The following PRKCH variants were observed in gnomAD, a reference collection of about 807,000 sequenced individuals.
PRKCH encodes the protein protein kinase C eta, also known as protein kinase C eta type.
PRKCH carries 28 observed loss-of-function variants against 82.5 expected under a neutral mutation model. The ratio of observed to expected loss-of-function variants is 0.34; its 90% CI spans 0.25 to 0.47. The LOEUF (loss-of-function observed/expected upper bound fraction) is 0.47. Ranked by LOEUF, PRKCH falls within the 20% of genes least tolerant of loss-of-function variation. The pLI is 1.00. For missense variants in PRKCH, 705 were observed against 881.8 expected, an observed-to-expected ratio of 0.80 and a Z score of 2.54; for synonymous variants, 322 against 327.4, an observed-to-expected ratio of 0.98 and a Z score of 0.18.
At chr14:61,281,307 A>G in intron 1 of PRKCH, 1 of 392,152 alleles carries the variant, frequency 2.6e-6, no homozygotes, top group Non-Finnish European at 4.6e-6. Flanking sequence ...CCTCCGTCAC[A>G]GGTGAGTTTA....
rs547107705 is a variant in PRKCH, at chr14:61,368,320, G to GA, written c.364-22893dup. ...ACTTCCTCACTATCCCTAGTCATGG[G>GA]AAAAAAAAAAAAGAGAACCGTGTCC... On this transcript the variant is annotated intron_variant, in intron 1 of 13. Transcript: ENST00000332981. 4.3e-3 allele frequency among the ~76,000 whole-genome samples: 609 copies of GA among 142,732 alleles called. 4 individuals are homozygous for GA. Among genetic ancestry groups the GA allele is most frequent in the African/African-American group, 6.1e-3 (236 of 38,888 alleles). The allele number at this position is 142,732 out of a possible 152,430, so 93.6% of individuals were successfully genotyped here. A position where few individuals can be genotyped will look rare whatever the true frequency, so the allele number is the denominator to read the frequency against.
At chr14:61,296,876 T>G (rs1467186343) in intron 1 of PRKCH, among the ~76,000 whole-genome samples, 2 of 152,250 alleles carry the variant, frequency 1.3e-5, no homozygotes, top group African/African-American at 2.4e-5. Flanking sequence ...GGTTTCAGGT[T>G]TGTCATGAAT....
intron 1 of PRKCH, among the ~76,000 whole-genome samples, chr14:61,203,849 A>G (rs963737022): frequency 4.0e-5 from 6 of 151,740 alleles, no homozygotes; most frequent in African/African-American, 1.5e-4. Context: ...TCAAAATAAT[A>G]ATAATAATAA....
intron 1 of PRKCH, among the ~76,000 whole-genome samples, chr14:61,196,913 G>A (rs375458521): frequency 1.3e-5 from 2 of 152,218 alleles, no homozygotes; most frequent in South Asian, 2.1e-4. Context: ...TTTCACACCT[G>A]CAGGCTTATT....
chr14:61,403,235 A>G (rs1881746877), intron 2 of PRKCH, among the ~76,000 whole-genome samples: 1 of 152,220 alleles, frequency 6.6e-6, no homozygotes. Context: ...AATTTGACAA[A>G]TATCAGTAGA....
chr14:61,409,703 CAAAAAAAAAAAA>C (rs56238869), intron 2 of PRKCH, among the ~76,000 whole-genome samples: 7 of 56,112 alleles, frequency 1.2e-4, no homozygotes, highest in Non-Finnish European at 9.6e-5. Context: ...GACCCTGTCT[CAAAAAAAAAAAA>C]AAAAAAAAAA....
chr14:61,339,048 G>A (rs2140135707), intron 1 of PRKCH, among the ~76,000 whole-genome samples: 1 of 152,200 alleles, frequency 6.6e-6, no homozygotes, highest in South Asian at 2.1e-4. Flanking sequence ...GAGAGAATTG[G>A]AAGAGATGAT....
intron 1 of PRKCH, among the ~76,000 whole-genome samples, chr14:61,292,800 G>A (rs1234068445): frequency 7.4e-6 from 1 of 135,084 alleles, no homozygotes; most frequent in East Asian, 2.2e-4. Flanking sequence ...AAAGCACCAA[G>A]CTGGGTGTTG....
chr14:61,482,333 G>A (rs1886464), intron 9 of PRKCH, among the ~76,000 whole-genome samples: 98,551 of 152,064 alleles, frequency 0.65, 37,135 homozygotes, highest in Non-Finnish European at 0.84. Flanking sequence ...ATTTTTTGTC[G>A]TTTATCTCCT....
chr14:61,387,312 G>C (rs192230513), intron 1 of PRKCH, among the ~76,000 whole-genome samples: 1 of 152,246 alleles, frequency 6.6e-6, no homozygotes, highest in Admixed American at 6.5e-5. Flanking sequence ...GATCTGCTAG[G>C]CCTGCTCACA....
At chr14:61,246,497 T>C (rs921157315) in intron 1 of PRKCH, among the ~76,000 whole-genome samples, 2 of 151,808 alleles carry the variant, frequency 1.3e-5, no homozygotes, top group African/African-American at 4.8e-5. Context: ...TTTGACAGAG[T>C]CTTCCCCAAA....
upstream of PRKCH, among the ~76,000 whole-genome samples, chr14:61,319,928 A>G (rs969620600): frequency 6.6e-6 from 1 of 152,158 alleles, no homozygotes; most frequent in Admixed American, 6.5e-5. Flanking sequence ...CATTCTGTAT[A>G]GTGCTGTTAT....
At chr14:61,369,167 C>G (rs1479683156) in intron 1 of PRKCH, among the ~76,000 whole-genome samples, 1 of 152,080 alleles carries the variant, frequency 6.6e-6, no homozygotes, top group Non-Finnish European at 1.5e-5. Flanking sequence ...TGTGAAGACC[C>G]ACTAAAGCAG....
chr14:61,198,731 A>G (rs2044458741), intron 1 of PRKCH, among the ~76,000 whole-genome samples: 1 of 152,180 alleles, frequency 6.6e-6, no homozygotes, highest in South Asian at 2.1e-4. Context: ...TCTCAGGAAA[A>G]AGTAAAGGAT....
intron 2 of PRKCH, among the ~76,000 whole-genome samples, chr14:61,422,268 A>G (rs763535388): frequency 1.3e-4 from 20 of 152,026 alleles, no homozygotes; most frequent in Admixed American, 5.9e-4. Flanking sequence ...GTTTTTCTGT[A>G]GAGACAGGGT....
At chr14:61,539,077 A>G (rs2043148660) in intron 12 of PRKCH, among the ~76,000 whole-genome samples, 1 of 152,214 alleles carries the variant, frequency 6.6e-6, no homozygotes, top group Non-Finnish European at 1.5e-5. Context: ...CATCAGTCAG[A>G]GCTGCTTGAG....
upstream of PRKCH, among the ~76,000 whole-genome samples, chr14:61,318,891 C>G (rs2045585567): frequency 6.6e-6 from 1 of 152,130 alleles, no homozygotes; most frequent in African/African-American, 2.4e-5. Context: ...GACAGTCTTG[C>G]CATGTTGCCA....
At chr14:61,291,551 A>AT (rs2045362626) in intron 1 of PRKCH, among the ~76,000 whole-genome samples, 1 of 152,096 alleles carries the variant, frequency 6.6e-6, no homozygotes, top group Non-Finnish European at 1.5e-5. Flanking sequence ...GATGGTCTCG[A>AT]ACTCCTGACC....
chr14:61,486,507 T>C (rs955192283), intron 10 of PRKCH, among the ~76,000 whole-genome samples: 2 of 152,206 alleles, frequency 1.3e-5, no homozygotes, highest in Admixed American at 6.5e-5. Context: ...TCAACAGATA[T>C]CAAATGTAAC....
Sources: gnomAD v4.1 joint callset for allele counts (sites outside exome capture counted in the v4.1 genomes callset) on GRCh38, gnomAD v4.1.1 for gene constraint, MANE v1.5 for transcripts, NCBI Gene and HGNC (gene_info 2026-07-23, HGNC 2026-07-21) for gene names.